KIR3DL1: variants seen among roughly 807,000 people sequenced by gnomAD.
KIR3DL1 encodes the protein killer cell immunoglobulin-like receptor 3DL1.
KIR3DL1 carries 50 observed loss-of-function variants against 40.3 expected under a neutral mutation model. That is an observed-to-expected ratio of 1.24 (90% CI 0.99 to 1.57). The LOEUF (loss-of-function observed/expected upper bound fraction) is 1.57. Among genes scored for constraint, KIR3DL1 ranks in the 40% most tolerant of loss-of-function variants. KIR3DL1 has a pLI of 0.00. For missense variants in KIR3DL1, 661 were observed against 559.9 expected, an observed-to-expected ratio of 1.18 and a Z score of -1.82; for synonymous variants, 257 against 207.2, an observed-to-expected ratio of 1.24 and a Z score of -2.07.
intron 6 of KIR3DL1, among the ~76,000 whole-genome samples, chr19:54,828,953 G>A (rs1390443532): frequency 7.1e-6 from 1 of 140,714 alleles, no homozygotes. Flanking sequence ...GGGAGGGGGA[G>A]CAATGGAGCT....
intron 2 of KIR3DL1, 124 bp from the exon 3 acceptor site, chr19:54,818,191 A>T: frequency 2.0e-6 from 2 of 988,632 alleles, no homozygotes; most frequent in Non-Finnish European, 3.0e-6. Context: ...TCCTTCCTGT[A>T]GCCCTGGGCA....
At chr19:54,819,772 A>G (rs1166609572) in exon 4 of KIR3DL1, 2 of 1,610,988 alleles carry the variant, frequency 1.2e-6, no homozygotes, top group South Asian at 2.2e-5. Flanking sequence ...ATCAGGAGAG[A>G]GAGTCATCCT....
At chr19:54,818,918 A>G (rs1007010620) in intron 3 of KIR3DL1, among the ~76,000 whole-genome samples, 4 of 150,366 alleles carry the variant, frequency 2.7e-5, no homozygotes, top group African/African-American at 4.9e-5. Context: ...GTGTAATCAC[A>G]AGGGTCCACA....
chr19:54,824,994 C>G, intron 5 of KIR3DL1, 34 bp from the exon 6 acceptor site: 1 of 1,445,692 alleles, frequency 6.9e-7, no homozygotes, highest in Non-Finnish European at 9.7e-7. Flanking sequence ...CAAGCACCCT[C>G]ATTTCCTCAC....
At position 54,821,193 on chromosome 19, in the gene KIR3DL1, T is replaced by C. The variant is rs540771177; in HGVS notation, c.656-372T>C. ...ATAAGTGATACATAAATATAGATGA[T>C]AGATAATTTGTAGATAGACACAAAA... is the stretch of plus-strand genomic sequence containing the variant. On this transcript the variant is annotated intron_variant, in intron 4 of 8. Transcript: ENST00000391728. Among the ~76,000 whole-genome samples, 14 of 138,198 alleles carry C rather than the reference T, an allele frequency of 1.0e-4. 1 individual carries two copies. In the East Asian group the frequency reaches 2.7e-3, roughly 27 times the overall value. The allele number at this position is 138,198 out of a possible 152,430, so 90.7% of individuals were successfully genotyped here. A position where few individuals can be genotyped will look rare whatever the true frequency, so the allele number is the denominator to read the frequency against.
chr19:54,825,197 C>T (rs1415843540), intron 6 of KIR3DL1, 119 bp downstream of exon 6: 1 of 767,164 alleles, frequency 1.3e-6, no homozygotes, highest in Non-Finnish European at 2.3e-6. Context: ...TCCACCATCT[C>T]TGAACTCCAG....
chr19:54,830,227 G>T, exon 9 of KIR3DL1: 1 of 1,522,406 alleles, frequency 6.6e-7, no homozygotes, highest in Non-Finnish European at 8.9e-7. Flanking sequence ...TCTTGTACAC[G>T]GAACTTCCAA....
At chr19:54,819,646 C>T (rs1457268924) in intron 3 of KIR3DL1, 67 bp from the exon 4 acceptor site, 36 of 1,531,688 alleles carry the variant, frequency 2.4e-5, no homozygotes, top group Non-Finnish European at 3.2e-5. Context: ...AACCCTCACT[C>T]ATTCCAGGTG....
At chr19:54,825,923 T>C (rs1359799683) in intron 6 of KIR3DL1, among the ~76,000 whole-genome samples, 1 of 151,284 alleles carries the variant, frequency 6.6e-6, no homozygotes, top group Non-Finnish European at 1.5e-5. Context: ...TTTCTCTGAA[T>C]GCTGCTCTCC....
rs576862107 is a variant in KIR3DL1 at position 54,828,954 on chromosome 19, C to T, written c.1001-407C>T. ...GAGAGGGAGCAAGGGGGAGGGGGAGCAATGGAGCTTCCAAGCTCTTTTTAA... is the reference window on the plus strand; with the variant it reads ...GAGAGGGAGCAAGGGGGAGGGGGAGTAATGGAGCTTCCAAGCTCTTTTTAA... On this transcript the variant is annotated intron_variant, in intron 6 of 8. Transcript: ENST00000391728. 6.0e-3 allele frequency among the ~76,000 whole-genome samples: 747 copies of T among 123,736 alleles called. 11 individuals carry two copies. Among genetic ancestry groups the T allele is most frequent in the South Asian group, 0.012 (36 of 3,052 alleles). 81.2% of individuals were successfully genotyped at this position (123,736 alleles called of 152,430 possible).
chr19:54,823,158 C>T (rs1452037360), intron 5 of KIR3DL1, among the ~76,000 whole-genome samples: 1 of 150,906 alleles, frequency 6.6e-6, no homozygotes, highest in Non-Finnish European at 1.5e-5. Context: ...ACTCAGCCTC[C>T]CTAGTAGCTG....
chr19:54,828,371 C>T (rs2062020023), intron 6 of KIR3DL1, among the ~76,000 whole-genome samples: 1 of 151,330 alleles, frequency 6.6e-6, no homozygotes, highest in Non-Finnish European at 1.5e-5. Flanking sequence ...TCCTGGACTG[C>T]ACCTGGGCCT....
In KIR3DL1 at chr19:54,816,541, C is replaced by T; in HGVS notation, c.34+7C>T. 2 of 1,608,270 alleles carry T rather than the reference C, an allele frequency of 1.2e-6. No individual in the cohort carries two copies. Among genetic ancestry groups the T allele is most frequent in the Non-Finnish European group, 1.7e-6 (2 of 1,179,010 alleles). ...GTCAGCATGGCGTGTGTTGGTGAGT[C>T]CTGGAAGGGAATCGAGGGAGGGAGT... On this transcript the variant is annotated splice_region_variant and intron_variant, in intron 1 of 8. Transcript: ENST00000391728.
intron 5 of KIR3DL1, among the ~76,000 whole-genome samples, chr19:54,822,221 G>A (rs988097199): frequency 6.6e-6 from 1 of 151,102 alleles, no homozygotes; most frequent in Admixed American, 6.6e-5. Context: ...ATCATCACCA[G>A]CAACCCCTAC....
intron 5 of KIR3DL1, among the ~76,000 whole-genome samples, chr19:54,824,712 T>A (rs1387124667): frequency 6.6e-6 from 1 of 150,810 alleles, no homozygotes; most frequent in Non-Finnish European, 1.5e-5. Flanking sequence ...TGTAAATGCA[T>A]GGATTATATC....
intron 6 of KIR3DL1, among the ~76,000 whole-genome samples, chr19:54,826,694 T>C (rs1601410521): frequency 6.7e-6 from 1 of 150,216 alleles, no homozygotes; most frequent in East Asian, 1.9e-4. Flanking sequence ...TAATCAGATA[T>C]TTGTGACATT....
intron 5 of KIR3DL1, among the ~76,000 whole-genome samples, chr19:54,822,821 T>C (rs1300575765): frequency 2.1e-5 from 3 of 141,462 alleles, no homozygotes; most frequent in South Asian, 4.4e-4. Flanking sequence ...GATGTTATTG[T>C]TTCTATGGAT....
Position 54,829,850 on chromosome 19 carries a change from T to C in KIR3DL1, c.1106-78T>C, listed in dbSNP as rs1419673049. 4 of 1,348,450 alleles carry C rather than the reference T, an allele frequency of 3.0e-6. No homozygotes were observed. In the African/African-American group the frequency reaches 5.8e-5, roughly 19 times the overall value. 83.5% of individuals were successfully genotyped at this position (1,348,450 alleles called of 1,614,324 possible). The stretch of plus-strand genomic sequence containing the variant: ...ACCTCAGGCACCTATGGCCTCCCCC[T>C]GTTTGTTGGTATCTGCTTATGAAAT... On this transcript the variant is annotated intron_variant, in intron 7 of 8. Transcript: ENST00000391728.
At chr19:54,823,824 C>T (rs2061755446) in intron 5 of KIR3DL1, among the ~76,000 whole-genome samples, 1 of 151,462 alleles carries the variant, frequency 6.6e-6, no homozygotes, top group Admixed American at 6.6e-5. Context: ...AAACTCATCG[C>T]GATTGTAATT....
Sources: allele counts gnomAD v4.1 joint callset (sites outside exome capture counted in the v4.1 genomes callset), GRCh38; gene constraint gnomAD v4.1.1; transcripts MANE v1.5; gene names NCBI Gene and HGNC (gene_info 2026-07-23, HGNC 2026-07-21).